The following MMP26 variants were observed in gnomAD, a reference collection of about 807,000 sequenced individuals.
MMP26 encodes the protein matrix metallopeptidase 26, also known as matrix metalloproteinase-26.
Under a neutral mutation model 31.0 loss-of-function variants are expected in MMP26, and 33 were observed. That is an observed-to-expected ratio of 1.06 (90% confidence interval 0.81 to 1.42). The LOEUF is 1.42. Ranked by LOEUF, MMP26 falls within the 40% of genes most tolerant of loss-of-function variation. The pLI is 0.00. For synonymous variants in MMP26, 122 were observed against 114.9 expected, an observed-to-expected ratio of 1.06 and a Z score of -0.40; for missense variants, 347 against 316.1, an observed-to-expected ratio of 1.10 and a Z score of -0.74.
chr11:4,853,617 A>C, intron 2 of MMP26, among the ~76,000 whole-genome samples: 1 of 152,190 alleles, frequency 6.6e-6, no homozygotes, highest in East Asian at 1.9e-4. Context: ...AATTCTAAAC[A>C]GACCTATAAC....
At chr11:4,854,162 CGG>C (rs1422459044) in intron 2 of MMP26, among the ~76,000 whole-genome samples, 1 of 152,144 alleles carries the variant, frequency 6.6e-6, no homozygotes, top group Non-Finnish European at 1.5e-5. Context: ...ACACAGAAGA[CGG>C]GTGATTTCTA....
intron 1 of MMP26, among the ~76,000 whole-genome samples, chr11:4,765,339 G>A (rs1848615546): frequency 6.6e-6 from 1 of 152,130 alleles, no homozygotes; most frequent in Non-Finnish European, 1.5e-5. Context: ...CCACATTCTA[G>A]GATGCTTCTT....
Position 4,710,544 on chromosome 11 carries a change from G to A in MMP26, c.-217+5499G>A, listed in dbSNP as rs185609707. The A allele has an allele frequency of 7.6e-6, 3 of 394,058 alleles. No homozygotes were observed. The East Asian group carries it at 2.2e-4, about 29-fold the overall frequency. 24.4% of individuals were successfully genotyped at this position (394,058 alleles called of 1,614,324 possible). On this transcript the variant is annotated intron_variant, in intron 1 of 7. Transcript: ENST00000380390. ...TTTGAGTGTACTCCTTCTTTACCAA[G>A]TCTTCCCTGACCCATGTTTGATCAT...
At chr11:4,981,430 T>C (rs956213634) in intron 2 of MMP26, among the ~76,000 whole-genome samples, 1 of 152,106 alleles carries the variant, frequency 6.6e-6, no homozygotes, top group African/African-American at 2.4e-5. Context: ...TATAGACAAT[T>C]GTAACACAAT....
intron 2 of MMP26, among the ~76,000 whole-genome samples, chr11:4,855,834 T>A (rs1474719624): frequency 1.3e-5 from 2 of 152,172 alleles, no homozygotes; most frequent in African/African-American, 4.8e-5. Flanking sequence ...AAGGTCGCGT[T>A]ACCCACAAAG....
chr11:4,742,660 T>C (rs1014986424), intron 1 of MMP26, among the ~76,000 whole-genome samples: 4 of 152,090 alleles, frequency 2.6e-5, no homozygotes, highest in Non-Finnish European at 5.9e-5. Context: ...TTGGGTAATA[T>C]AGTTTGAAAG....
In MMP26 at chr11:4,975,629, T is replaced by C. The variant is rs1048750440; in HGVS notation, c.-144-12439T>C. On this transcript the variant is annotated intron_variant, in intron 2 of 7. Coordinates refer to ENST00000380390, the MANE Select transcript of MMP26 (RefSeq NM_021801.5). ...ATCGTTTGAGAAGAATGTGCACCTT[T>C]CGCTGCTTGAGATCATTCTGCATGG... 2.0e-5 allele frequency among the ~76,000 whole-genome samples: 3 copies of C among 152,064 alleles called. 1 individual carries two copies. The highest frequency in any genetic ancestry group is 7.3e-5 in the African/African-American group (3 of 41,340).
rs765491464 is a variant in MMP26 at position 4,868,730 on chromosome 11, A to C, written c.-145+101389A>C. The stretch of plus-strand genomic sequence containing the variant: ...TGGAAAAAACTACTTTAAAGTTCAT[A>C]TGGAACCAAAAAAGAGCCCACATTG... On this transcript the variant is annotated intron_variant, in intron 2 of 7. Transcript: ENST00000380390. Among the ~76,000 whole-genome samples the C allele has an allele frequency of 3.9e-5, 6 of 152,180 alleles. No homozygotes were observed. In the South Asian group the frequency reaches 1.2e-3, roughly 31 times the overall value.
At chr11:4,756,449 T>C (rs1848505100) in intron 1 of MMP26, among the ~76,000 whole-genome samples, 1 of 151,490 alleles carries the variant, frequency 6.6e-6, no homozygotes, top group Non-Finnish European at 1.5e-5. Flanking sequence ...ATCAGGAAGA[T>C]AAGAACAAGC....
chr11:4,961,779 A>G (rs1470625378), intron 2 of MMP26, among the ~76,000 whole-genome samples: 2 of 152,190 alleles, frequency 1.3e-5, no homozygotes, highest in Non-Finnish European at 2.9e-5. Flanking sequence ...AAGAATTTTT[A>G]ACTTTTGGGA....
Position 4,991,470 on chromosome 11 carries a change from A to G in MMP26, c.569A>G (p.Asn190Ser). 6.2e-7 allele frequency: 1 copy of G among 1,614,002 alleles called. No individual in the cohort carries two copies. Among genetic ancestry groups the G allele is most frequent in the Non-Finnish European group, 8.5e-7 (1 of 1,179,866 alleles). The part of the protein sequence containing the change: ...GNPGVVHFDK[N>S]EHWSASDTGY... ...CCTGGAGTTGTCCATTTTGACAAGA[A>G]TGAACACTGGTCAGCTTCAGACACT... Residue 190 changes from asparagine (N) to serine (S), a missense_variant, in exon 6 of 8, where the codon AAT becomes AGT. Coordinates refer to ENST00000380390, the MANE Select transcript of MMP26 (RefSeq NM_021801.5).
chr11:4,907,772 A>G, intron 2 of MMP26: 1 of 1,614,082 alleles, frequency 6.2e-7, no homozygotes, highest in Non-Finnish European at 8.5e-7. Flanking sequence ...ATACAGTTCT[A>G]TCCTCACTAG....
At chr11:4,987,579 C>T (rs1183738935) in intron 2 of MMP26, among the ~76,000 whole-genome samples, 4 of 152,006 alleles carry the variant, frequency 2.6e-5, no homozygotes, top group South Asian at 2.1e-4. Flanking sequence ...CCACCACACC[C>T]GGCTAATTTT....
At chr11:4,801,277 T>C (rs7933109) in intron 2 of MMP26, among the ~76,000 whole-genome samples, 55,859 of 151,998 alleles carry the variant, frequency 0.37, 11,344 homozygotes, top group African/African-American at 0.51. Context: ...CAAATTTCCT[T>C]TGTTAGTCCA....
intron 1 of MMP26, among the ~76,000 whole-genome samples, chr11:4,733,212 C>A (rs1164862975): frequency 6.6e-6 from 1 of 152,144 alleles, no homozygotes; most frequent in Non-Finnish European, 1.5e-5. Context: ...ATTTTGATGT[C>A]GATTACATTA....
intron 2 of MMP26, among the ~76,000 whole-genome samples, chr11:4,927,186 G>T (rs1851284999): frequency 6.6e-6 from 1 of 152,162 alleles, no homozygotes; most frequent in Admixed American, 6.6e-5. Context: ...TCATATGGTT[G>T]CATACAATGT....
chr11:4,804,557 A>G, intron 2 of MMP26: 2 of 778,080 alleles, frequency 2.6e-6, no homozygotes, highest in Admixed American at 1.7e-5. Context: ...AATATGTTAC[A>G]ACATGACATG....
intron 2 of MMP26, chr11:4,912,625 C>A (rs889220739): frequency 2.0e-5 from 3 of 152,166 alleles, no homozygotes; most frequent in Admixed American, 6.6e-5. Flanking sequence ...CACATATACA[C>A]ATTGTAAAAA....
intron 2 of MMP26, among the ~76,000 whole-genome samples, chr11:4,835,879 C>A (rs2133484420): frequency 6.6e-6 from 1 of 152,226 alleles, no homozygotes; most frequent in African/African-American, 2.4e-5. Flanking sequence ...AATTCCAAAT[C>A]ATTTATTGAA....
Sources: gnomAD v4.1 joint callset for allele counts (sites outside exome capture counted in the v4.1 genomes callset) on GRCh38, gnomAD v4.1.1 for gene constraint, MANE v1.5 for transcripts, NCBI Gene and HGNC (gene_info 2026-07-23, HGNC 2026-07-21) for gene names.